UTRN: variants seen among roughly 807,000 people sequenced by gnomAD.
UTRN encodes utrophin, also known as dystrophin-related protein 1.
A neutral mutation model predicts 463.9 loss-of-function variants in UTRN; 283 were observed. The ratio of observed to expected loss-of-function variants is 0.61; its 90% CI spans 0.55 to 0.67. The LOEUF is 0.67. UTRN is among the 30% of genes least tolerant of loss of function. The pLI is 0.00. For synonymous variants in UTRN, 1,442 were observed against 1,431.5 expected (o/e 1.01, Z -0.17); for missense variants, 3,922 against 4,084.3 (o/e 0.96, Z 1.08).
chr6:144,502,043 T>G (rs1794235824), intron 34 of UTRN, among the ~76,000 whole-genome samples: 1 of 152,164 alleles, frequency 6.6e-6, no homozygotes, highest in Admixed American at 6.5e-5. Flanking sequence ...CTTAGTGAGT[T>G]GTGTTTGATT....
intron 65 of UTRN, among the ~76,000 whole-genome samples, chr6:144,809,102 T>C (rs1180492499): frequency 6.6e-6 from 1 of 152,202 alleles, no homozygotes; most frequent in Non-Finnish European, 1.5e-5. Context: ...TCATAATGAC[T>C]GAACCAAAGA....
At chr6:144,500,917 T>C (rs907271703) in intron 34 of UTRN, among the ~76,000 whole-genome samples, 1 of 152,236 alleles carries the variant, frequency 6.6e-6, no homozygotes, top group Non-Finnish European at 1.5e-5. Context: ...AAGTGCTGAA[T>C]ATAAATGATC....
chr6:144,774,216 C>T, intron 59 of UTRN, 74 bp from the exon 60 acceptor site: 2 of 1,366,604 alleles, frequency 1.5e-6, no homozygotes, highest in South Asian at 1.4e-5. Context: ...TCCAAAGTAA[C>T]CAAATACATT....
At chr6:144,596,902 T>G (rs1030140756) in intron 51 of UTRN, among the ~76,000 whole-genome samples, 3 of 152,180 alleles carry the variant, frequency 2.0e-5, no homozygotes, top group African/African-American at 7.2e-5. Flanking sequence ...GTTTTTGGAT[T>G]CTTCATGTTT....
intron 2 of UTRN, among the ~76,000 whole-genome samples, chr6:144,342,159 T>G (rs1777184023): frequency 6.6e-6 from 1 of 152,114 alleles, no homozygotes. Flanking sequence ...CCCAGCAGGA[T>G]GGCAATAATA....
chr6:144,678,976 G>T (rs1277371694), intron 52 of UTRN, among the ~76,000 whole-genome samples: 1 of 152,088 alleles, frequency 6.6e-6, no homozygotes, highest in East Asian at 1.9e-4. Context: ...GGAAACAGAG[G>T]TTTAATGAAT....
At chr6:144,745,604 C>T in intron 54 of UTRN, among the ~76,000 whole-genome samples, 1 of 152,104 alleles carries the variant, frequency 6.6e-6, no homozygotes, top group Non-Finnish European at 1.5e-5. Context: ...ATAAATACTG[C>T]ACAAGGACTG....
At chr6:144,606,251 C>G (rs952062659) in intron 51 of UTRN, among the ~76,000 whole-genome samples, 1 of 152,156 alleles carries the variant, frequency 6.6e-6, no homozygotes, top group African/African-American at 2.4e-5. Context: ...AACACAACTT[C>G]AAATCATATG....
rs1250590372 is a variant in UTRN at position 144,554,910 on chromosome 6, A to T, written c.7134+17A>T. 1 of 1,613,098 alleles carries T rather than the reference A, an allele frequency of 6.2e-7. No individual in the cohort carries two copies. Among genetic ancestry groups the T allele is most frequent in the East Asian group, 2.2e-5 (1 of 44,772 alleles). ...GATAACCAAGTAAGACTCATCAGATATTTTTTGGCAGTATTGTTTTGTTGG... is the reference window on the plus strand; with the variant it reads ...GATAACCAAGTAAGACTCATCAGATTTTTTTTGGCAGTATTGTTTTGTTGG... On this transcript the variant is annotated intron_variant, in intron 49 of 74. Transcript: ENST00000367545.
At chr6:144,385,752 A>G (rs1380141303) in intron 2 of UTRN, among the ~76,000 whole-genome samples, 4 of 150,032 alleles carry the variant, frequency 2.7e-5, no homozygotes, top group East Asian at 2.0e-4. Context: ...TCTTTCGCTC[A>G]GGCTTGAGTG....
chr6:144,315,947 C>T (rs1775258692), intron 2 of UTRN, among the ~76,000 whole-genome samples: 1 of 152,192 alleles, frequency 6.6e-6, no homozygotes, highest in Non-Finnish European at 1.5e-5. Context: ...CTGGACAGGA[C>T]TGTTCCCTGT....
At chr6:144,834,442 A>G (rs1780933677) in intron 69 of UTRN, among the ~76,000 whole-genome samples, 1 of 152,218 alleles carries the variant, frequency 6.6e-6, no homozygotes, top group African/African-American at 2.4e-5. Context: ...CAGAACGTTC[A>G]GTTTTCTCAA....
At chr6:144,833,071 C>T (rs1033774297) in intron 69 of UTRN, among the ~76,000 whole-genome samples, 3 of 152,180 alleles carry the variant, frequency 2.0e-5, no homozygotes, top group African/African-American at 7.2e-5. Context: ...CTGCCCATCT[C>T]GACCTCCCAA....
At chr6:144,304,819 A>T (rs911305128) in intron 2 of UTRN, among the ~76,000 whole-genome samples, 8 of 152,058 alleles carry the variant, frequency 5.3e-5, no homozygotes, top group Non-Finnish European at 1.0e-4. Flanking sequence ...ATTTATATTT[A>T]TATATTTATC....
Position 144,482,396 on chromosome 6 carries a change from ATTATTATTATTGTTG to A in UTRN, c.3687+20_3687+34del. ...AAGTGCCACACGCTAGAGGTATGCT[ATTATTATTATTGTTG>A]TTATTATTATTATTATTATTATTAT... On this transcript the variant is annotated intron_variant, in intron 27 of 74. Coordinates refer to ENST00000367545, the MANE Select transcript of UTRN (RefSeq NM_007124.3). 7.4e-7 allele frequency: 1 copy of A among 1,350,988 alleles called. No homozygotes were observed. The highest frequency in any genetic ancestry group is 2.7e-5 in the East Asian group (1 of 36,782). The allele number at this position is 1,350,988 out of a possible 1,614,324, so 83.7% of individuals were successfully genotyped here.
intron 9 of UTRN, among the ~76,000 whole-genome samples, chr6:144,432,386 G>T (rs1316363960): frequency 6.6e-6 from 1 of 152,020 alleles, no homozygotes; most frequent in Admixed American, 6.6e-5. Flanking sequence ...CTCTATCTTG[G>T]TTTCTTACTA....
At chr6:144,731,674 G>A (rs1788539097) in intron 54 of UTRN, among the ~76,000 whole-genome samples, 2 of 151,880 alleles carry the variant, frequency 1.3e-5, no homozygotes, top group Admixed American at 6.6e-5. Flanking sequence ...TTGTATATAT[G>A]TGTGTGTGTA....
chr6:144,648,997 A>G (rs1778542675), intron 51 of UTRN, among the ~76,000 whole-genome samples: 1 of 152,166 alleles, frequency 6.6e-6, no homozygotes, highest in East Asian at 1.9e-4. Flanking sequence ...CACATTGGCA[A>G]AACAACCTGT....
At chr6:144,524,711 G>T (rs1222715958) in intron 41 of UTRN, among the ~76,000 whole-genome samples, 1 of 152,016 alleles carries the variant, frequency 6.6e-6, no homozygotes, top group African/African-American at 2.4e-5. Context: ...CTCTGTCTAG[G>T]ACTTCCGGTA....
Sources: allele counts gnomAD v4.1 joint callset (sites outside exome capture counted in the v4.1 genomes callset), GRCh38; gene constraint gnomAD v4.1.1; transcripts MANE v1.5; gene names NCBI Gene and HGNC (gene_info 2026-07-23, HGNC 2026-07-21).